The following RYR2 variants were observed in gnomAD, a reference collection of about 807,000 sequenced individuals.
The protein encoded by RYR2 is cardiac muscle ryanodine receptor-calcium release channel.
In RYR2, 227 loss-of-function variants were observed where a neutral mutation model predicts 601.1. The observed-to-expected ratio is 0.38, with a 90% CI of 0.34 to 0.42. The LOEUF is 0.42. RYR2 is among the 10% of genes least tolerant of loss of function. RYR2 has a pLI of 1.00. For missense variants in RYR2, 4,646 were observed against 6,156.5 expected (o/e 0.75, Z 8.21); for synonymous variants, 2,223 against 2,175.1 (o/e 1.02, Z -0.61).
At chr1:237,601,971 T>A in intron 34 of RYR2, 54 bp from the exon 35 acceptor site, 1 of 1,488,728 alleles carries the variant, frequency 6.7e-7, no homozygotes, top group Non-Finnish European at 9.2e-7. Flanking sequence ...GAAAAACTTT[T>A]TCCCTTGTCT....
At position 237,791,522 on chromosome 1, in the gene RYR2, A is replaced by G. The variant is rs748797419; in HGVS notation, c.13563+7A>G. On this transcript the variant is annotated splice_region_variant and intron_variant, in intron 93 of 104. Coordinates refer to ENST00000366574, the MANE Select transcript of RYR2 (RefSeq NM_001035.3). ...CATCTTGCTCTTTTATAAGGTACGT[A>G]CATCTCACTGTTTTAATTACTGGTA... The G allele has an allele frequency of 7.2e-7, 1 of 1,384,110 alleles. No individual in the cohort carries two copies. Among genetic ancestry groups the G allele is most frequent in the Non-Finnish European group, 1.0e-6 (1 of 989,914 alleles). The allele number at this position is 1,384,110 out of a possible 1,614,324, so 85.7% of individuals were successfully genotyped here. A position where few individuals can be genotyped will look rare whatever the true frequency, so the allele number is the denominator to read the frequency against.
intron 67 of RYR2, 33 bp from the exon 68 acceptor site, chr1:237,706,916 G>C: frequency 6.4e-7 from 1 of 1,551,024 alleles, no homozygotes; most frequent in South Asian, 1.1e-5. Context: ...TACTTTCTTT[G>C]AATATCATCC....
intron 17 of RYR2, among the ~76,000 whole-genome samples, chr1:237,470,522 A>G (rs1040963234): frequency 6.6e-6 from 1 of 152,220 alleles, no homozygotes; most frequent in Admixed American, 6.5e-5. Context: ...ATCGTTGGGC[A>G]GCAGAAGTAA....
chr1:237,102,594 G>A (rs1290921780), intron 1 of RYR2, among the ~76,000 whole-genome samples: 10 of 152,150 alleles, frequency 6.6e-5, no homozygotes, highest in African/African-American at 1.7e-4. Flanking sequence ...GGTGGCTAAC[G>A]CCTGTAATCC....
At position 237,498,374 on chromosome 1, in the gene RYR2, A is replaced by G. The variant is rs189470957; in HGVS notation, c.2203+1622A>G. On this transcript the variant is annotated intron_variant, in intron 20 of 104. Transcript: ENST00000366574. ...GAAAATTGTCCTGCTGACCAAGCAGAGAGAAAGAGCCCTAACTTCAGAAGA... is the reference window on the plus strand; with the variant it reads ...GAAAATTGTCCTGCTGACCAAGCAGGGAGAAAGAGCCCTAACTTCAGAAGA... Among the ~76,000 whole-genome samples the G allele has an allele frequency of 3.3e-5, 5 of 152,232 alleles. No homozygotes were observed. In the East Asian group the frequency reaches 7.7e-4, roughly 24 times the overall value.
intron 3 of RYR2, among the ~76,000 whole-genome samples, chr1:237,347,248 G>T (rs1210304590): frequency 6.6e-6 from 1 of 152,064 alleles, no homozygotes; most frequent in Non-Finnish European, 1.5e-5. Flanking sequence ...ACTAGAACCT[G>T]GGAGTTCCAG....
intron 28 of RYR2, 90 bp from the exon 29 acceptor site, chr1:237,569,055 G>C (rs1446398840): frequency 9.0e-7 from 1 of 1,114,994 alleles, no homozygotes; most frequent in Non-Finnish European, 1.3e-6. Context: ...GTTGATAGAA[G>C]GGACTGCTGT....
At chr1:237,593,424 T>G in intron 32 of RYR2, 52 bp from the exon 33 acceptor site, 1 of 1,531,348 alleles carries the variant, frequency 6.5e-7, no homozygotes, top group South Asian at 1.3e-5. Context: ...AAATCCAAGT[T>G]TTGTTTTGTT....
intron 3 of RYR2, among the ~76,000 whole-genome samples, chr1:237,339,857 C>T (rs1183206031): frequency 6.6e-6 from 1 of 152,200 alleles, no homozygotes. Flanking sequence ...AAGCAAGGCA[C>T]TTTCCCCAGG....
chr1:237,830,501 T>A (rs748315682), intron 102 of RYR2, 29 bp from the exon 103 acceptor site: 36 of 1,363,184 alleles, frequency 2.6e-5, no homozygotes, highest in Non-Finnish European at 2.1e-6. Flanking sequence ...TTCTGAACTC[T>A]GACGTTAATA....
Position 237,638,430 on chromosome 1 carries a change from G to A in RYR2, c.6866G>A (p.Gly2289Glu). 6.2e-7 allele frequency: 1 copy of A among 1,613,956 alleles called. No individual in the cohort carries two copies. Among genetic ancestry groups the A allele is most frequent in the Non-Finnish European group, 8.5e-7 (1 of 1,179,846 alleles). Residue 2289 changes from glycine (G) to glutamate (E), a missense_variant, in exon 45 of 105, where the codon GGG (glycine) becomes GAG (glutamate). By Grantham distance (98) the Gly-to-Glu change is moderately conservative. This residue lies in a region of RYR2 where 137 missense variants were observed against 273.6 expected (regional missense o/e 0.50). Transcript: ENST00000366574. ...GTGTCTAAGGGCTATCCAGACATTG[G>A]GTGGAACCCAGTTGAAGGAGAGAGA... ...MLVSKGYPDI[G>E]WNPVEGERYL...
chr1:237,661,834 G>A (rs890260833), intron 56 of RYR2, among the ~76,000 whole-genome samples: 4 of 152,138 alleles, frequency 2.6e-5, no homozygotes, highest in Non-Finnish European at 4.4e-5. Context: ...GCTCAAGGTG[G>A]CAAGAGTAAG....
chr1:237,484,861 C>T (rs1198486515), intron 17 of RYR2, among the ~76,000 whole-genome samples: 1 of 152,150 alleles, frequency 6.6e-6, no homozygotes, highest in Non-Finnish European at 1.5e-5. Flanking sequence ...GGCCACAGCT[C>T]CCAATACCAT....
At chr1:237,588,836 A>G (rs1026750218) in intron 29 of RYR2, among the ~76,000 whole-genome samples, 1 of 151,892 alleles carries the variant, frequency 6.6e-6, no homozygotes, top group African/African-American at 2.4e-5. Context: ...CCGTCTCAAA[A>G]AAAAAAAAGA....
chr1:237,193,167 C>CAAAAAAAAAAAAAAAAAAAA (rs58552588), intron 1 of RYR2, among the ~76,000 whole-genome samples: 11 of 37,392 alleles, frequency 2.9e-4, no homozygotes, highest in East Asian at 2.5e-3. Context: ...GCTAAAAGTA[C>CAAAAAAAAAAAAAAAAAAAA]AAAAAAAAAA....
At chr1:237,208,936 GTA>G (rs56133827) in intron 1 of RYR2, among the ~76,000 whole-genome samples, 3,561 of 89,040 alleles carry the variant, frequency 0.04, 142 homozygotes, top group Non-Finnish European at 0.048. Flanking sequence ...ATGTGTGTGT[GTA>G]TATATATATA....
intron 10 of RYR2, among the ~76,000 whole-genome samples, chr1:237,396,233 T>C (rs6677656): frequency 0.12 from 18,349 of 151,956 alleles, 2,525 homozygotes; most frequent in African/African-American, 0.34. Context: ...ACAACCTGAG[T>C]GAGTAGAAAA....
chr1:237,072,467 T>C (rs1412830457), intron 1 of RYR2, among the ~76,000 whole-genome samples: 2 of 151,954 alleles, frequency 1.3e-5, no homozygotes, highest in African/African-American at 4.8e-5. Flanking sequence ...CATGAGCTGG[T>C]CTGGAGAGCA....
intron 17 of RYR2, 48 bp downstream of exon 17, chr1:237,469,235 TC>T (rs1373062610): frequency 1.0e-6 from 1 of 1,004,658 alleles, no homozygotes; most frequent in Non-Finnish European, 1.5e-6. Flanking sequence ...CTCCTATTTT[TC>T]TTTGCTTCGT....
Sources: allele counts gnomAD v4.1 joint callset (sites outside exome capture counted in the v4.1 genomes callset), GRCh38; gene constraint gnomAD v4.1.1; regional missense constraint gnomAD v4.1.1; transcripts MANE v1.5; gene names NCBI Gene and HGNC (gene_info 2026-07-23, HGNC 2026-07-21).